The following PDE10A variants were observed in gnomAD, a reference collection of about 807,000 sequenced individuals.
The protein encoded by PDE10A is phosphodiesterase 10A.
A neutral mutation model predicts 97.7 loss-of-function variants in PDE10A; 39 were observed. That is an observed-to-expected ratio of 0.40 (90% CI 0.31 to 0.52). The LOEUF (loss-of-function observed/expected upper bound fraction) is 0.52, where lower values mean the gene tolerates loss of function less well. PDE10A is among the 20% of genes least tolerant of loss of function. The probability of loss-of-function intolerance (pLI) is 0.56; values close to 1 mark genes in which losing one functional copy is unlikely to be tolerated. For synonymous variants in PDE10A, 371 were observed against 376.8 expected (o/e 0.98, Z 0.18); for missense variants, 731 against 1,047.8 (o/e 0.70, Z 4.17).
intron 1 of PDE10A, among the ~76,000 whole-genome samples, chr6:165,747,532 T>G (rs1427974217): frequency 1.3e-5 from 2 of 152,302 alleles, no homozygotes; most frequent in African/African-American, 4.8e-5. Context: ...GGAGCTGATA[T>G]TTGAACTCAG....
intron 1 of PDE10A, among the ~76,000 whole-genome samples, chr6:165,968,679 T>A (rs1784585304): frequency 6.6e-6 from 1 of 152,202 alleles, no homozygotes; most frequent in South Asian, 2.1e-4. Context: ...CAAGGGATTT[T>A]AAAATGTTTT....
At chr6:165,797,603 G>T (rs1778864955) in intron 1 of PDE10A, among the ~76,000 whole-genome samples, 1 of 152,002 alleles carries the variant, frequency 6.6e-6, no homozygotes, top group Non-Finnish European at 1.5e-5. Context: ...AAGAGTATTT[G>T]TTCAATATTT....
intron 1 of PDE10A, among the ~76,000 whole-genome samples, chr6:165,938,663 C>T (rs1783416877): frequency 6.6e-6 from 1 of 152,050 alleles, no homozygotes; most frequent in South Asian, 2.1e-4. Flanking sequence ...GCCCTGGGCA[C>T]TTGTCAAGTG....
intron 1 of PDE10A, among the ~76,000 whole-genome samples, chr6:165,717,832 AATGTCTGGGGATGTCGAGCTCCTATTC>A (rs1166656046): frequency 6.6e-6 from 1 of 152,068 alleles, no homozygotes; most frequent in East Asian, 1.9e-4. Flanking sequence ...GGGGAGTGGT[AATGTCTGGGGATGTCGAGCTCCTATTC>A]ATGTGCTTGC....
At chr6:165,917,649 GA>G (rs1278863645) in intron 1 of PDE10A, among the ~76,000 whole-genome samples, 2 of 151,530 alleles carry the variant, frequency 1.3e-5, no homozygotes, top group Admixed American at 6.6e-5. Context: ...AGTAAAAGAA[GA>G]AAAAAAAAGG....
intron 12 of PDE10A, 84 bp from the exon 13 acceptor site, chr6:165,413,771 C>A: frequency 9.4e-7 from 1 of 1,066,996 alleles, no homozygotes; most frequent in South Asian, 1.6e-5. Context: ...AATCTCCCCT[C>A]AATCTTTGCA....
At chr6:165,589,484 T>C (rs1242876845) in intron 1 of PDE10A, among the ~76,000 whole-genome samples, 1 of 152,232 alleles carries the variant, frequency 6.6e-6, no homozygotes, top group Non-Finnish European at 1.5e-5. Flanking sequence ...CAATCAAAAA[T>C]GAAAATGAAC....
At chr6:165,428,924 C>A (rs1789355799) in intron 9 of PDE10A, among the ~76,000 whole-genome samples, 2 of 151,730 alleles carry the variant, frequency 1.3e-5, no homozygotes, top group South Asian at 4.2e-4. Context: ...AGCATGAGGG[C>A]TCTATAATTC....
intron 1 of PDE10A, among the ~76,000 whole-genome samples, chr6:165,636,146 T>C (rs1423825040): frequency 6.6e-6 from 1 of 152,222 alleles, no homozygotes; most frequent in Non-Finnish European, 1.5e-5. Flanking sequence ...GCCTAGGACA[T>C]ATGATGCATA....
At chr6:165,600,054 C>A (rs864346) in intron 1 of PDE10A, among the ~76,000 whole-genome samples, 2 of 152,010 alleles carry the variant, frequency 1.3e-5, no homozygotes, top group East Asian at 1.9e-4. Flanking sequence ...ACAGTCCGAC[C>A]GGGGAATCCT....
At chr6:165,684,579 C>G (rs1791064758) in intron 1 of PDE10A, among the ~76,000 whole-genome samples, 1 of 152,182 alleles carries the variant, frequency 6.6e-6, no homozygotes, top group African/African-American at 2.4e-5. Flanking sequence ...TATGAGTCAC[C>G]ACACGGTGGC....
In PDE10A at chr6:165,490,020, T is replaced by C. The variant is rs60104679; in HGVS notation, c.995-7677A>G. ...AAATCTAAAAGTTTGGAAAACATATTTGAGGGAACAATTGAGGAAAACTTA... is the reference window on the plus strand; with the variant it reads ...AAATCTAAAAGTTTGGAAAACATATCTGAGGGAACAATTGAGGAAAACTTA... On this transcript the variant is annotated intron_variant, in intron 2 of 21. Transcript: ENST00000539869. 8.7e-4 allele frequency among the ~76,000 whole-genome samples: 133 copies of C among 152,292 alleles called. 1 individual carries two copies. The highest frequency in any genetic ancestry group is 3.0e-3 in the African/African-American group (125 of 41,544).
chr6:165,974,137 T>A (rs1030563654), intron 1 of PDE10A, among the ~76,000 whole-genome samples: 2 of 152,258 alleles, frequency 1.3e-5, no homozygotes, highest in Non-Finnish European at 2.9e-5. Flanking sequence ...AATGCAGATA[T>A]GTAGAGTTTT....
chr6:165,481,307 CATT>C (rs1413882369), intron 3 of PDE10A, among the ~76,000 whole-genome samples: 5 of 152,266 alleles, frequency 3.3e-5, no homozygotes, highest in Admixed American at 2.0e-4. Flanking sequence ...ACAAATGTGA[CATT>C]AATAGCGAAG....
At chr6:165,623,369 T>C (rs1049656816) in intron 1 of PDE10A, among the ~76,000 whole-genome samples, 8 of 152,088 alleles carry the variant, frequency 5.3e-5, no homozygotes, top group African/African-American at 1.4e-4. Context: ...CTGCCTGCCA[T>C]GTCCTCCCAA....
intron 1 of PDE10A, among the ~76,000 whole-genome samples, chr6:165,707,807 A>T (rs1302221773): frequency 4.6e-5 from 7 of 152,056 alleles, no homozygotes; most frequent in Non-Finnish European, 1.0e-4. Flanking sequence ...GTGTGTCTGC[A>T]GCTTCCTGGG....
At chr6:165,730,356 C>T (rs879291824) in intron 1 of PDE10A, among the ~76,000 whole-genome samples, 1 of 152,188 alleles carries the variant, frequency 6.6e-6, no homozygotes, top group South Asian at 2.1e-4. Flanking sequence ...TCCTTATCCT[C>T]GGTTCCCGTG....
At chr6:165,433,809 A>G (rs1372638726) in intron 6 of PDE10A, among the ~76,000 whole-genome samples, 1 of 152,000 alleles carries the variant, frequency 6.6e-6, no homozygotes, top group Admixed American at 6.6e-5. Flanking sequence ...AGGTCAGGAG[A>G]TCGAGACCAT....
chr6:165,922,883 CG>C (rs1380092800), intron 1 of PDE10A, among the ~76,000 whole-genome samples: 1 of 152,176 alleles, frequency 6.6e-6, no homozygotes, highest in African/African-American at 2.4e-5. Flanking sequence ...AGCCACCTTC[CG>C]GGGGTTCACT....
Sources: allele counts gnomAD v4.1 joint callset (sites outside exome capture counted in the v4.1 genomes callset), GRCh38; gene constraint gnomAD v4.1.1; transcripts MANE v1.5; gene names NCBI Gene and HGNC (gene_info 2026-07-23, HGNC 2026-07-21).